Variants in SLC23A2 observed in about 807,000 individuals in gnomAD.
The protein encoded by SLC23A2 is Na(+)/L-ascorbic acid transporter 2.
A neutral mutation model predicts 73.3 loss-of-function variants in SLC23A2; 36 were observed. The observed-to-expected ratio is 0.49, with a 90% CI of 0.38 to 0.65. The LOEUF (loss-of-function observed/expected upper bound fraction) is 0.65, where lower values mean the gene tolerates loss of function less well. SLC23A2 is among the 30% of genes least tolerant of loss of function. The pLI, the probability that SLC23A2 is intolerant of heterozygous loss-of-function variation, is 0.00. For synonymous variants in SLC23A2, 343 were observed against 327.3 expected (o/e 1.05, Z -0.52); for missense variants, 507 against 841.6 (o/e 0.60, Z 4.92).
intron 6 of SLC23A2, among the ~76,000 whole-genome samples, chr20:4,895,150 A>G (rs6038012): frequency 2.0e-5 from 3 of 152,396 alleles, no homozygotes; most frequent in African/African-American, 7.2e-5. Flanking sequence ...ACTGTGTCTT[A>G]GAAATCACGA....
intron 4 of SLC23A2, among the ~76,000 whole-genome samples, chr20:4,911,292 T>C (rs1393271988): frequency 6.6e-6 from 1 of 152,294 alleles, no homozygotes; most frequent in South Asian, 2.1e-4. Context: ...CTACTTTAAT[T>C]AACCTCCATA....
chr20:4,980,079 T>C (rs2087703225), intron 1 of SLC23A2, among the ~76,000 whole-genome samples: 1 of 152,056 alleles, frequency 6.6e-6, no homozygotes, highest in South Asian at 2.1e-4. Context: ...AAAATAAACA[T>C]AGTGATTCCA....
rs1173601665 is a variant in SLC23A2, at chr20:4,868,495, G to GA, written c.1251-621dup. 2.0e-5 allele frequency among the ~76,000 whole-genome samples: 3 copies of GA among 152,168 alleles called. No homozygotes were observed. Among genetic ancestry groups the GA allele is most frequent in the Admixed American group, 6.5e-5 (1 of 15,276 alleles). On this transcript the variant is annotated intron_variant, in intron 12 of 16. Transcript: ENST00000338244. This position sits in a 1 kb window ranked among gnomAD's most constrained non-coding sequence, Gnocchi z 4.4. The stretch of plus-strand genomic sequence containing the variant: ...AAATGAAAGCAAAGGATTTTAGCCA[G>GA]AAAATAAAGCCATTTGTTGGGGTAT...
At chr20:4,919,232 G>C (rs1193768361) in intron 3 of SLC23A2, among the ~76,000 whole-genome samples, 1 of 152,196 alleles carries the variant, frequency 6.6e-6, no homozygotes, top group Non-Finnish European at 1.5e-5. Flanking sequence ...CCTTGAATCT[G>C]GCTGATGCCG....
intron 13 of SLC23A2, 112 bp downstream of exon 13, chr20:4,867,656 AGT>A: frequency 4.1e-6 from 2 of 490,066 alleles, no homozygotes; most frequent in Non-Finnish European, 7.2e-6. Flanking sequence ...AAAGGAGAGA[AGT>A]AATTTTTTAG....
intron 6 of SLC23A2, among the ~76,000 whole-genome samples, chr20:4,898,721 C>T (rs942474766): frequency 1.3e-5 from 2 of 152,180 alleles, no homozygotes; most frequent in African/African-American, 4.8e-5. Flanking sequence ...GCTCCACGTC[C>T]ATTTAAGCTG....
intron 1 of SLC23A2, among the ~76,000 whole-genome samples, chr20:4,976,163 T>A (rs2122243223): frequency 6.6e-6 from 1 of 151,304 alleles, no homozygotes; most frequent in Admixed American, 6.6e-5. Flanking sequence ...AAGAGTTTCT[T>A]TTTTTTTTCC....
intron 2 of SLC23A2, among the ~76,000 whole-genome samples, chr20:4,949,119 C>G (rs974969049): frequency 6.6e-6 from 1 of 151,890 alleles, no homozygotes; most frequent in Non-Finnish European, 1.5e-5. Flanking sequence ...AACCCCATCT[C>G]TACTAAAAAT....
At chr20:4,897,714 A>AG (rs1187592557) in intron 6 of SLC23A2, among the ~76,000 whole-genome samples, 2 of 152,080 alleles carry the variant, frequency 1.3e-5, no homozygotes, top group African/African-American at 4.8e-5. Flanking sequence ...AAGTTCCCCC[A>AG]GGCCCTCCCT....
rs116481073 is a variant in SLC23A2, at chr20:4,974,117, A to G, written c.-281-3198T>C. ...CAGGCCAGAACCTTTGAACAGCCAA[A>G]TCATTCTATCAATTCAGTAGATGCC... On this transcript the variant is annotated intron_variant, in intron 1 of 16. Transcript: ENST00000338244. 3.7e-3 allele frequency among the ~76,000 whole-genome samples: 559 copies of G among 152,292 alleles called. 4 individuals carry two copies. The highest frequency in any genetic ancestry group is 0.013 in the African/African-American group (520 of 41,578).
intron 11 of SLC23A2, among the ~76,000 whole-genome samples, chr20:4,871,217 A>G (rs1342079001): frequency 6.6e-6 from 1 of 152,166 alleles, no homozygotes; most frequent in African/African-American, 2.4e-5. Context: ...GCAGGAGCCA[A>G]CAACGTAGCT....
chr20:4,907,186 C>A lies in SLC23A2; in HGVS notation c.208-4628G>T, dbSNP rs1401178211. On this transcript the variant is annotated intron_variant, in intron 4 of 16. Transcript: ENST00000338244. ...AGGATACTCATCTGCTTCCAGAATG[C>A]CAGAAACCAGGTCACAGAAGCCAGA... Among the ~76,000 whole-genome samples the A allele has an allele frequency of 1.4e-4, 21 of 152,140 alleles. 1 individual carries two copies. Among genetic ancestry groups the A allele is most frequent in the Admixed American group, 1.4e-3 (21 of 15,264 alleles).
intron 1 of SLC23A2, among the ~76,000 whole-genome samples, chr20:4,983,251 G>C (rs1600201312): frequency 1.3e-5 from 2 of 152,220 alleles, no homozygotes; most frequent in South Asian, 4.1e-4. Flanking sequence ...ATGACCTTGG[G>C]TTAGGCAGTG....
intron 2 of SLC23A2, among the ~76,000 whole-genome samples, chr20:4,953,263 G>A (rs1328306881): frequency 3.3e-5 from 5 of 151,826 alleles, no homozygotes; most frequent in East Asian, 1.9e-4. Flanking sequence ...CCAAGATAGC[G>A]CCACTGCACT....
intron 13 of SLC23A2, among the ~76,000 whole-genome samples, chr20:4,867,519 A>G (rs6038003): frequency 0.013 from 1,954 of 152,016 alleles, 31 homozygotes; most frequent in African/African-American, 0.044. Context: ...TGGCAGAGTC[A>G]GTGCTTTATA....
rs965468689 is a variant in SLC23A2, at chr20:4,853,596, C to T, written c.*3376G>A. The T allele has an allele frequency of 6.6e-6, 1 of 152,640 alleles. No homozygotes were observed. Among genetic ancestry groups the T allele is most frequent in the Non-Finnish European group, 1.5e-5 (1 of 68,044 alleles). The allele number at this position is 152,640 out of a possible 1,614,324, so 9.5% of individuals were successfully genotyped here. The stretch of plus-strand genomic sequence containing the variant: ...TCATTCCCTCCCTGGAAAACTGTGA[C>T]TATTATCCTGGGTAGAAATGTTATT... On this transcript the variant is annotated 3_prime_UTR_variant, in exon 17 of 17. Transcript: ENST00000338244.
At chr20:4,858,047 A>T (rs1340286424) in intron 16 of SLC23A2, among the ~76,000 whole-genome samples, 1 of 152,238 alleles carries the variant, frequency 6.6e-6, no homozygotes, top group Admixed American at 6.5e-5. Context: ...TTTGCAAAAC[A>T]GGGCTGAATC....
chr20:4,865,832 T>A (rs1366276215), intron 13 of SLC23A2, among the ~76,000 whole-genome samples: 1 of 152,064 alleles, frequency 6.6e-6, no homozygotes, highest in Non-Finnish European at 1.5e-5. Context: ...TTATATATTT[T>A]TTTTTATTTT....
chr20:4,963,986 T>G (rs2087433692), intron 2 of SLC23A2, among the ~76,000 whole-genome samples: 1 of 151,448 alleles, frequency 6.6e-6, no homozygotes, highest in Non-Finnish European at 1.5e-5. Context: ...ATACTGCTAG[T>G]GGGAGTAATA....
Sources: allele counts gnomAD v4.1 joint callset (sites outside exome capture counted in the v4.1 genomes callset), GRCh38; gene constraint gnomAD v4.1.1; non-coding constraint Gnocchi (gnomAD v3.1); transcripts MANE v1.5; gene names NCBI Gene and HGNC (gene_info 2026-07-23, HGNC 2026-07-21).